Variants in PARVB observed in about 807,000 individuals in gnomAD.
The protein encoded by PARVB is beta-parvin.
Under a neutral mutation model 47.0 loss-of-function variants are expected in PARVB, and 46 were observed. That is an observed-to-expected ratio of 0.98 (90% CI 0.77 to 1.25). The LOEUF (loss-of-function observed/expected upper bound fraction) is 1.25. Ranked by LOEUF, PARVB falls within the 50% of genes most tolerant of loss-of-function variation. PARVB has a pLI of 0.00. For synonymous variants in PARVB, 196 were observed against 196.3 expected, an observed-to-expected ratio of 1.00 and a Z score of 0.01; for missense variants, 473 against 471.6, an observed-to-expected ratio of 1.00 and a Z score of -0.03.
chr22:44,093,134 GA>G (rs2052212677), intron 1 of PARVB, among the ~76,000 whole-genome samples: 1 of 152,218 alleles, frequency 6.6e-6, no homozygotes, highest in African/African-American at 2.4e-5. Context: ...TGACTGTGGA[GA>G]AAGCGTGACA....
In PARVB at chr22:44,089,618, G is replaced by A. The variant is rs1271177950; in HGVS notation, c.113-4310G>A. 6.6e-6 allele frequency: 1 copy of A among 152,118 alleles called. No homozygotes were observed. Among genetic ancestry groups the A allele is most frequent in the Admixed American group, 6.5e-5 (1 of 15,276 alleles). 9.4% of individuals were successfully genotyped at this position (152,118 alleles called of 1,614,324 possible). On this transcript the variant is annotated intron_variant, in intron 1 of 12. Transcript: ENST00000338758. This position sits in a 1 kb window ranked among gnomAD's most constrained non-coding sequence, Gnocchi z 4.0. ...AAACTGGCACCGTTCAGGTGGCGGG[G>A]GGGTCGGGGGAGGGGGGAAGCCAAG...
chr22:44,031,081 A>G (rs940270053), intron 1 of PARVB, among the ~76,000 whole-genome samples: 4 of 152,110 alleles, frequency 2.6e-5, no homozygotes, highest in Non-Finnish European at 4.4e-5. Flanking sequence ...GAGAAAGACA[A>G]TTCCACACTG....
At position 44,131,426 on chromosome 22, in the gene PARVB, G is replaced by T. The variant is rs2053316120; in HGVS notation, c.377-61G>T. 4 of 1,578,104 alleles carry T rather than the reference G, an allele frequency of 2.5e-6. No individual in the cohort carries two copies. The South Asian group carries it at 4.7e-5, about 19-fold the overall frequency. On this transcript the variant is annotated intron_variant, in intron 4 of 12. Transcript: ENST00000338758. The stretch of plus-strand genomic sequence containing the variant: ...CAAACTGCTGGGATTACAGGCATGA[G>T]CCACTGCGCCTGGCCCTTCCAGCTT...
rs551812389 is a variant in PARVB, at chr22:44,100,912, G to A, written c.273+789G>A. ...CAGACACTTGGCTTCCATAGCCCAC[G>A]GCGAGCTTGGGCACCCCGGGATTCT... is the stretch of plus-strand genomic sequence containing the variant. On this transcript the variant is annotated intron_variant, in intron 3 of 12. Coordinates refer to ENST00000338758, the MANE Select transcript of PARVB (RefSeq NM_013327.5). 1.2e-3 allele frequency among the ~76,000 whole-genome samples: 187 copies of A among 152,242 alleles called. 1 individual carries two copies. In the Middle Eastern group the frequency reaches 0.027, roughly 22 times the overall value.
chr22:44,127,071 C>T (rs566701356), intron 4 of PARVB, among the ~76,000 whole-genome samples: 2 of 152,290 alleles, frequency 1.3e-5, no homozygotes, highest in East Asian at 3.9e-4. Flanking sequence ...TGTGATTGTC[C>T]ATGAGTCCTG....
rs1601656473 is a variant in PARVB at position 44,132,878 on chromosome 22, C to T, written c.518-16C>T. The T allele has an allele frequency of 6.3e-7, 1 of 1,583,484 alleles. No homozygotes were observed. Among genetic ancestry groups the T allele is most frequent in the Non-Finnish European group, 8.7e-7 (1 of 1,152,214 alleles). ...AACCTGATCTAAAGCGTCTCCCTTC[C>T]TCCTTCCTCCTGCAGCAATTCACGG... On this transcript the variant is annotated splice_polypyrimidine_tract_variant and intron_variant, in intron 5 of 12. Transcript: ENST00000338758.
At chr22:44,026,280 T>C (rs2050726955) in intron 1 of PARVB, 3 of 983,380 alleles carry the variant, frequency 3.1e-6, no homozygotes, top group African/African-American at 1.7e-5. Context: ...GCACCAAGAA[T>C]TCCGGTAGCA....
At chr22:44,019,215 C>A (rs1439152805) in intron 2 of PARVB, among the ~76,000 whole-genome samples, 4 of 150,546 alleles carry the variant, frequency 2.7e-5, no homozygotes, top group South Asian at 2.1e-4. Flanking sequence ...CCACGCCTGG[C>A]CTATTTTTAT....
chr22:43,999,402 A>T (rs2050388005), exon 1 of PARVB: 4 of 1,609,924 alleles, frequency 2.5e-6, no homozygotes, highest in Admixed American at 1.7e-5. Flanking sequence ...AGTCCAGAGA[A>T]CAAAAACTGG....
chr22:44,038,738 C>T (rs1000940481), intron 1 of PARVB, among the ~76,000 whole-genome samples: 7 of 151,962 alleles, frequency 4.6e-5, no homozygotes, highest in South Asian at 2.1e-4. Flanking sequence ...GCTGAGATCA[C>T]GCCACTGCAC....
At chr22:44,007,913 C>T (rs2146849085) in intron 2 of PARVB, among the ~76,000 whole-genome samples, 1 of 152,306 alleles carries the variant, frequency 6.6e-6, no homozygotes, top group Middle Eastern at 3.4e-3. Flanking sequence ...TAAGCAGGAT[C>T]ATACAGTATG....
chr22:44,118,550 T>A (rs1478958150), intron 3 of PARVB, among the ~76,000 whole-genome samples: 1 of 152,186 alleles, frequency 6.6e-6, no homozygotes, highest in Admixed American at 6.5e-5. Context: ...CAGGGAGGAA[T>A]GGATATCTTG....
chr22:44,131,897 G>T (rs975020785), intron 5 of PARVB, among the ~76,000 whole-genome samples: 2 of 152,172 alleles, frequency 1.3e-5, no homozygotes, highest in Non-Finnish European at 2.9e-5. Context: ...TTATGGATGG[G>T]TGGATCAGAG....
intron 12 of PARVB, among the ~76,000 whole-genome samples, chr22:44,167,360 C>T (rs1266501353): frequency 6.6e-6 from 1 of 152,138 alleles, no homozygotes; most frequent in Non-Finnish European, 1.5e-5. Context: ...CTGTGGTTAG[C>T]AGGTCTGGCA....
intron 2 of PARVB, among the ~76,000 whole-genome samples, chr22:44,017,292 A>T (rs1227708573): frequency 6.6e-6 from 1 of 152,238 alleles, no homozygotes; most frequent in Non-Finnish European, 1.5e-5. Context: ...AGGAAAATTG[A>T]GTGAATGAAT....
chr22:44,056,764 C>G (rs1205532757), intron 1 of PARVB, among the ~76,000 whole-genome samples: 1 of 151,754 alleles, frequency 6.6e-6, no homozygotes, highest in Non-Finnish European at 1.5e-5. Context: ...CCTCAGCTTC[C>G]CAAAGTGCTG....
At chr22:44,081,434 G>A (rs1329260016) in intron 1 of PARVB, among the ~76,000 whole-genome samples, 1 of 152,174 alleles carries the variant, frequency 6.6e-6, no homozygotes, top group Non-Finnish European at 1.5e-5. Flanking sequence ...GCATAGTAAA[G>A]CCTTTCTTTT....
chr22:44,154,861 G>A (rs1248470683), intron 10 of PARVB, among the ~76,000 whole-genome samples: 1 of 137,874 alleles, frequency 7.3e-6, no homozygotes, highest in Non-Finnish European at 1.5e-5. Flanking sequence ...GCAGTCTGTG[G>A]TGGGGGTGTG....
intron 1 of PARVB, among the ~76,000 whole-genome samples, chr22:44,048,466 G>A (rs1365012666): frequency 6.6e-6 from 1 of 152,050 alleles, no homozygotes; most frequent in Non-Finnish European, 1.5e-5. Flanking sequence ...CCACCTCCTG[G>A]GTTCCAGCAA....
Sources: allele counts gnomAD v4.1 joint callset (sites outside exome capture counted in the v4.1 genomes callset), GRCh38; gene constraint gnomAD v4.1.1; non-coding constraint Gnocchi (gnomAD v3.1); transcripts MANE v1.5; gene names NCBI Gene and HGNC (gene_info 2026-07-23, HGNC 2026-07-21).